Variants in NBAS observed in about 807,000 individuals in gnomAD.
The protein encoded by NBAS is NBAS subunit of NRZ tethering complex.
A neutral mutation model predicts 302.5 loss-of-function variants in NBAS; 219 were observed. The ratio of observed to expected loss-of-function variants is 0.72; its 90% CI spans 0.65 to 0.81. The LOEUF (loss-of-function observed/expected upper bound fraction) is 0.81, where lower values mean the gene tolerates loss of function less well. Ranked by LOEUF, NBAS falls within the 30% of genes least tolerant of loss-of-function variation. The pLI, the probability that NBAS is intolerant of heterozygous loss-of-function variation, is 0.00. For synonymous variants in NBAS, 1,118 were observed against 1,021.6 expected (o/e 1.09, Z -1.80); for missense variants, 2,932 against 2,841.6 (o/e 1.03, Z -0.72).
chr2:15,515,146 G>T (rs1222838675), intron 9 of NBAS, among the ~76,000 whole-genome samples: 2 of 152,122 alleles, frequency 1.3e-5, no homozygotes, highest in African/African-American at 2.4e-5. Flanking sequence ...CACAAAACTG[G>T]CAGCTGCTGA....
chr2:15,133,320 C>CA, the NBAS span, among the ~76,000 whole-genome samples: 74 of 144,018 alleles, frequency 5.1e-4, 2 homozygotes, highest in East Asian at 2.3e-3. Context: ...AAGGACATAG[C>CA]GGGGGGGGGG....
At chr2:15,052,163 G>T in the NBAS span, among the ~76,000 whole-genome samples, 1 of 152,160 alleles carries the variant, frequency 6.6e-6, no homozygotes, top group Non-Finnish European at 1.5e-5. Context: ...TCCCATGATA[G>T]AAAATTACAA....
chr2:14,814,803 G>A, the NBAS span, among the ~76,000 whole-genome samples: 1 of 152,110 alleles, frequency 6.6e-6, no homozygotes, highest in African/African-American at 2.4e-5. Context: ...GAATGACATG[G>A]TTTGGCTCTG....
chr2:15,308,438 C>A (rs1047502577), intron 39 of NBAS, 85 bp from the exon 40 acceptor site: 3 of 1,527,444 alleles, frequency 2.0e-6, no homozygotes, highest in South Asian at 2.4e-5. Flanking sequence ...GTCATTCCTG[C>A]AGATTTTTTG....
intron 38 of NBAS, among the ~76,000 whole-genome samples, chr2:15,316,301 G>C (rs1318745641): frequency 6.6e-6 from 1 of 152,194 alleles, no homozygotes; most frequent in Non-Finnish European, 1.5e-5. Flanking sequence ...CTCGCAGCGT[G>C]ATCGATGCAG....
Position 15,366,621 on chromosome 2 carries a change from G to A in NBAS, c.3776C>T (p.Ser1259Phe). ...CTCAGCAAGGCCCAGAAGCTTGGTG[G>A]ATTGTTTATAGCATGTGGGGGACTG... ...ISQSPTCYKQ[S>F]TKLLGLAELL... The change falls in exon 32 of 52, where the codon TCC (serine) becomes TTC (phenylalanine). Residue 1259 changes from serine to phenylalanine, a missense_variant. Ser to Phe is a radical substitution (Grantham distance 155). Coordinates refer to ENST00000281513, the MANE Select transcript of NBAS (RefSeq NM_015909.4). 1.2e-6 allele frequency: 2 copies of A among 1,614,124 alleles called. No homozygotes were observed.
intron 11 of NBAS, among the ~76,000 whole-genome samples, chr2:15,493,290 T>C (rs1178235556): frequency 6.6e-6 from 1 of 152,154 alleles, no homozygotes; most frequent in Non-Finnish European, 1.5e-5. Context: ...AGTGTGAAAA[T>C]TGACTAATAC....
chr2:15,184,286 C>A (rs1372719412), intron 50 of NBAS, among the ~76,000 whole-genome samples: 1 of 152,030 alleles, frequency 6.6e-6, no homozygotes, highest in Non-Finnish European at 1.5e-5. Flanking sequence ...ATGGAATAGT[C>A]CACCCCATGG....
At chr2:15,437,606 T>G (rs1678095097) in intron 21 of NBAS, among the ~76,000 whole-genome samples, 1 of 152,214 alleles carries the variant, frequency 6.6e-6, no homozygotes, top group South Asian at 2.1e-4. Context: ...CACACTTTAG[T>G]GTTGATGAGG....
the NBAS span, among the ~76,000 whole-genome samples, chr2:15,131,995 G>A: frequency 2.6e-5 from 4 of 152,126 alleles, no homozygotes; most frequent in Non-Finnish European, 5.9e-5. Flanking sequence ...CTCCTACTAG[G>A]CCCCACCTTC....
intron 19 of NBAS, 52 bp from the exon 20 acceptor site, chr2:15,461,843 G>T (rs1220980745): frequency 2.0e-6 from 2 of 992,426 alleles, no homozygotes; most frequent in African/African-American, 1.6e-5. Flanking sequence ...TTTAAATATG[G>T]GTGACAAGAA....
chr2:14,864,160 T>C, the NBAS span, among the ~76,000 whole-genome samples: 1 of 151,504 alleles, frequency 6.6e-6, no homozygotes, highest in Non-Finnish European at 1.5e-5. Context: ...CTATTAAAAA[T>C]ACAAAAATTA....
chr2:15,282,108 CA>C (rs1669851921), intron 42 of NBAS, among the ~76,000 whole-genome samples: 1 of 152,190 alleles, frequency 6.6e-6, no homozygotes, highest in African/African-American at 2.4e-5. Flanking sequence ...CCTACTCTAA[CA>C]AATATTTCCC....
At chr2:15,018,784 T>C in the NBAS span, among the ~76,000 whole-genome samples, 2 of 152,176 alleles carry the variant, frequency 1.3e-5, no homozygotes, top group East Asian at 1.9e-4. Flanking sequence ...CACATCTAAA[T>C]AAACTAACCT....
At chr2:15,551,125 A>G (rs75869201) in intron 6 of NBAS, among the ~76,000 whole-genome samples, 3,096 of 152,252 alleles carry the variant, frequency 0.02, 71 homozygotes, top group East Asian at 0.057. Flanking sequence ...CAGTCAGTAA[A>G]TTTTTGCTGA....
intron 41 of NBAS, among the ~76,000 whole-genome samples, chr2:15,291,370 C>A (rs1283600839): frequency 6.6e-6 from 1 of 152,222 alleles, no homozygotes; most frequent in Non-Finnish European, 1.5e-5. Context: ...GACATTTATA[C>A]AAAGTTTATA....
chr2:14,829,886 T>C, the NBAS span, among the ~76,000 whole-genome samples: 12 of 152,332 alleles, frequency 7.9e-5, no homozygotes, highest in Admixed American at 7.2e-4. Flanking sequence ...CAGAATCTTT[T>C]GGAAAATTTT....
At chr2:15,376,732 C>T (rs74337850) in intron 30 of NBAS, among the ~76,000 whole-genome samples, 1 of 152,056 alleles carries the variant, frequency 6.6e-6, no homozygotes, top group East Asian at 1.9e-4. Flanking sequence ...TTATTGCTTC[C>T]TAAATAAAAT....
intron 11 of NBAS, among the ~76,000 whole-genome samples, chr2:15,493,507 A>C (rs1044870279): frequency 6.6e-6 from 1 of 152,076 alleles, no homozygotes; most frequent in Non-Finnish European, 1.5e-5. Flanking sequence ...ATCTCTACAA[A>C]AATACAAAAA....
Sources: allele counts gnomAD v4.1 joint callset (sites outside exome capture counted in the v4.1 genomes callset), GRCh38; gene constraint gnomAD v4.1.1; transcripts MANE v1.5; gene names NCBI Gene and HGNC (gene_info 2026-07-23, HGNC 2026-07-21).